SCNN1A: variants seen among roughly 807,000 people sequenced by gnomAD.
SCNN1A encodes epithelial sodium channel subunit alpha.
Under a neutral mutation model 68.6 loss-of-function variants are expected in SCNN1A, and 65 were observed. The ratio of observed to expected loss-of-function variants is 0.95; its 90% CI spans 0.78 to 1.16. The LOEUF (loss-of-function observed/expected upper bound fraction) is 1.16. Among genes scored for constraint, SCNN1A ranks in the 50% most tolerant of loss-of-function variants. The probability of loss-of-function intolerance (pLI) is 0.00; values close to 1 mark genes in which losing one functional copy is unlikely to be tolerated. For missense variants in SCNN1A, 880 were observed against 865.9 expected (o/e 1.02, Z -0.20); for synonymous variants, 357 against 353.3 (o/e 1.01, Z -0.12).
At chr12:6,359,841 G>A (rs977301809) in intron 4 of SCNN1A, among the ~76,000 whole-genome samples, 1 of 138,564 alleles carries the variant, frequency 7.2e-6, no homozygotes, top group Non-Finnish European at 1.5e-5. Context: ...TGCGATCTCG[G>A]CTCACTGCAA....
intron 4 of SCNN1A, among the ~76,000 whole-genome samples, chr12:6,358,326 C>T (rs1439604159): frequency 6.6e-6 from 1 of 152,166 alleles, no homozygotes; most frequent in Non-Finnish European, 1.5e-5. Flanking sequence ...TCATACATTG[C>T]TGTTGGGAAT....
At position 6,374,425 on chromosome 12, in the gene SCNN1A, A is replaced by T. The variant is rs575699161; in HGVS notation, c.359T>A (p.Leu120His). 1 of 1,614,218 alleles carries T rather than the reference A, an allele frequency of 6.2e-7. No individual in the cohort carries two copies. Among genetic ancestry groups the T allele is most frequent in the African/African-American group, 1.3e-5 (1 of 75,062 alleles). ...GGGGAAGACGAGCTTGTCCGAGTTGAGGTTGATGTTGAGGCTGACGGGGTA... is the reference window on the plus strand; with the variant it reads ...GGGGAAGACGAGCTTGTCCGAGTTGTGGTTGATGTTGAGGCTGACGGGGTA... ...FSYPVSLNIN[L>H]NSDKLVFPAV... The change falls in exon 2 of 13, where the codon CTC becomes CAC. Residue 120 changes from leucine to histidine, a missense_variant. Transcript: ENST00000228916. This position sits in a 1 kb window ranked among gnomAD's most constrained non-coding sequence, Gnocchi z 6.2.
In SCNN1A at chr12:6,355,306, C is replaced by G; in HGVS notation, c.1109G>C (p.Arg370Pro). ...AFMDDGGFNLRPGVETSISMR... is the reference protein window; with the variant it reads ...AFMDDGGFNLPPGVETSISMR... ...GCTGATGGAGGTCTCCACGCCAGGC[C>G]GCAAGTTAAAGCCACCATCATCCAT... Residue 370 changes from arginine (R) to proline (P), a missense_variant, in exon 6 of 13, where the codon CGG (arginine) becomes CCG (proline). Physicochemically the swap from Arg to Pro is moderately radical, Grantham distance 103. Coordinates refer to ENST00000228916, the MANE Select transcript of SCNN1A (RefSeq NM_001038.6). 1 of 1,613,640 alleles carries G rather than the reference C, an allele frequency of 6.2e-7. No homozygotes were observed. The highest frequency in any genetic ancestry group is 8.5e-7 in the Non-Finnish European group (1 of 1,179,820).
At position 6,372,563 on chromosome 12, in the gene SCNN1A, G is replaced by A. The variant is rs1017366176; in HGVS notation, c.416+1805C>T. Among the ~76,000 whole-genome samples the A allele has an allele frequency of 6.6e-6, 1 of 152,162 alleles. No homozygotes were observed. Among genetic ancestry groups the A allele is most frequent in the South Asian group, 2.1e-4 (1 of 4,824 alleles). ...TTTTTCCTGGACTGTCTAGGGCCCC[G>A]CATCCAGCAGAACCTAAGAACTGTG... On this transcript the variant is annotated intron_variant, in intron 2 of 12. Coordinates refer to ENST00000228916, the MANE Select transcript of SCNN1A (RefSeq NM_001038.6). The surrounding 1 kb of genome is among the most constrained non-coding windows in gnomAD (Gnocchi z 5.8).
intron 2 of SCNN1A, among the ~76,000 whole-genome samples, chr12:6,367,573 A>G (rs994831933): frequency 1.3e-5 from 2 of 152,344 alleles, no homozygotes; most frequent in East Asian, 1.9e-4. Context: ...CTATGAACAG[A>G]CAAAACCAGT....
At chr12:6,369,602 G>C (rs1948749394) in intron 2 of SCNN1A, among the ~76,000 whole-genome samples, 1 of 152,152 alleles carries the variant, frequency 6.6e-6, no homozygotes, top group South Asian at 2.1e-4. Flanking sequence ...GGAGGCCGAG[G>C]ATGGTGGATC....
chr12:6,375,357 A>G, intron 1 of SCNN1A, 148 bp downstream of exon 1: 1 of 1,449,120 alleles, frequency 6.9e-7, no homozygotes, highest in South Asian at 1.4e-5. Context: ...CCTGACCTCG[A>G]GCTGTGTCCT....
rs753740830 is a variant in SCNN1A at position 6,355,348 on chromosome 12, T to C, written c.1067A>G (p.Gln356Arg). 1 of 1,613,994 alleles carries C rather than the reference T, an allele frequency of 6.2e-7. No individual in the cohort carries two copies. The highest frequency in any genetic ancestry group is 1.7e-5 in the Admixed American group (1 of 59,988). ...VTGARVMVHG[Q>R]DEPAFMDDGG... ...ATCATCCATAAAGGCAGGTTCATCCTGCCCGTGCACCATTACCCGGGCCCC... is the reference window on the plus strand; with the variant it reads ...ATCATCCATAAAGGCAGGTTCATCCCGCCCGTGCACCATTACCCGGGCCCC... The change falls in exon 6 of 13, where the codon CAG becomes CGG. Residue 356 changes from glutamine (Q) to arginine (R), a missense_variant. Physicochemically the swap from Gln to Arg is conservative, Grantham distance 43. Around this residue, in one of 3 missense-constraint regions of SCNN1A, gnomAD observed 758 missense variants for 721.8 expected, o/e 1.05. Transcript: ENST00000228916.
At chr12:6,350,429 G>A (rs544711034) in intron 8 of SCNN1A, among the ~76,000 whole-genome samples, 39 of 139,412 alleles carry the variant, frequency 2.8e-4, no homozygotes, top group African/African-American at 9.8e-4. Context: ...GCGAGACTCC[G>A]TCTCAAAAAA....
chr12:6,350,693 C>G (rs1007055378), intron 8 of SCNN1A, among the ~76,000 whole-genome samples: 1 of 151,752 alleles, frequency 6.6e-6, no homozygotes, highest in East Asian at 1.9e-4. Flanking sequence ...AAAAATTAGT[C>G]GGGTGTGGTG....
intron 5 of SCNN1A, 128 bp downstream of exon 5, chr12:6,355,649 A>G (rs1460301000): frequency 8.8e-6 from 8 of 905,960 alleles, no homozygotes; most frequent in South Asian, 1.3e-5. Context: ...GGAACGGACT[A>G]TGTGGCACCT....
intron 8 of SCNN1A, chr12:6,349,970 C>T (rs1948350554): frequency 1.6e-5 from 3 of 191,858 alleles, no homozygotes; most frequent in South Asian, 1.4e-4. Flanking sequence ...TCGTGATCTG[C>T]CCGCCTCGGC....
intron 8 of SCNN1A, 23 bp downstream of exon 8, chr12:6,354,415 G>A: frequency 6.5e-7 from 1 of 1,527,440 alleles, no homozygotes; most frequent in South Asian, 1.1e-5. Flanking sequence ...GTGGGGCAGG[G>A]TGGGGGCTCC....
upstream of SCNN1A, chr12:6,377,192 C>A (rs979569727): frequency 1.0e-5 from 15 of 1,461,086 alleles, no homozygotes; most frequent in Non-Finnish European, 1.4e-5. Flanking sequence ...CAGTCTCTTG[C>A]GACTTCTTAA....
chr12:6,377,015 G>A (rs1948924355), upstream of SCNN1A: 1 of 448,240 alleles, frequency 2.2e-6, no homozygotes, highest in Non-Finnish European at 3.9e-6. Flanking sequence ...TAAGAGCCAA[G>A]GGCTAGGGGA....
At chr12:6,354,396 C>T in intron 8 of SCNN1A, 42 bp downstream of exon 8, 1 of 1,350,066 alleles carries the variant, frequency 7.4e-7, no homozygotes, top group South Asian at 1.2e-5. Flanking sequence ...TCAGTGAGTA[C>T]TGGGGTCAGT....
intron 8 of SCNN1A, 100 bp from the exon 9 acceptor site, chr12:6,349,505 G>T: frequency 1.2e-6 from 1 of 819,558 alleles, no homozygotes; most frequent in Admixed American, 2.0e-5. Flanking sequence ...CACTTTACAA[G>T]AGCATTATTT....
chr12:6,349,409 T>C lies in SCNN1A; in HGVS notation c.1361-4A>G, dbSNP rs1173720510. On this transcript the variant is annotated splice_region_variant and splice_polypyrimidine_tract_variant and intron_variant, in intron 8 of 12. Coordinates refer to ENST00000228916, the MANE Select transcript of SCNN1A (RefSeq NM_001038.6). ...TGGAGCTTATAGTAGCAGTACCCTGTGGGTACAGAGAGATGCCTGTTCTCC... is the reference window on the plus strand; with the variant it reads ...TGGAGCTTATAGTAGCAGTACCCTGCGGGTACAGAGAGATGCCTGTTCTCC... The C allele has an allele frequency of 6.3e-7, 1 of 1,577,082 alleles. No homozygotes were observed.
chr12:6,374,827 A>G lies in SCNN1A; in HGVS notation c.-44T>C, dbSNP rs776787803. Reference sequence around the variant, plus strand: ...CAGAGGTCTAGGGTCCTGCTCCTCCAGCTTGTTCCCCTTCATGAGCCCCGG... The same window carrying G: ...CAGAGGTCTAGGGTCCTGCTCCTCCGGCTTGTTCCCCTTCATGAGCCCCGG... On this transcript the variant is annotated 5_prime_UTR_variant, in exon 2 of 13. Coordinates refer to ENST00000228916, the MANE Select transcript of SCNN1A (RefSeq NM_001038.6). This position sits in a 1 kb window ranked among gnomAD's most constrained non-coding sequence, Gnocchi z 6.2. 5.6e-6 allele frequency: 9 copies of G among 1,613,586 alleles called. No individual in the cohort carries two copies. In the East Asian group the frequency reaches 2.0e-4, roughly 36 times the overall value.
Sources: gnomAD v4.1 joint callset for allele counts (sites outside exome capture counted in the v4.1 genomes callset) on GRCh38, gnomAD v4.1.1 for gene constraint, gnomAD v4.1.1 regional missense constraint, Gnocchi (gnomAD v3.1) non-coding constraint, MANE v1.5 for transcripts, NCBI Gene and HGNC (gene_info 2026-07-23, HGNC 2026-07-21) for gene names.